GRIK3: variants seen among roughly 807,000 people sequenced by gnomAD.
The protein encoded by GRIK3 is glutamate receptor ionotropic, kainate 3.
Under a neutral mutation model 102.5 loss-of-function variants are expected in GRIK3, and 29 were observed. That is an observed-to-expected ratio of 0.28 (90% confidence interval 0.21 to 0.39). GRIK3 has a LOEUF of 0.39. Ranked by LOEUF, GRIK3 falls within the 10% of genes least tolerant of loss-of-function variation. The pLI, the probability that GRIK3 is intolerant of heterozygous loss-of-function variation, is 1.00. For missense variants in GRIK3, 908 were observed against 1,252.4 expected (o/e 0.73, Z 4.15); for synonymous variants, 511 against 504.9 (o/e 1.01, Z -0.16).
chr1:36,967,841 T>C (rs1642096336), intron 1 of GRIK3, among the ~76,000 whole-genome samples: 1 of 152,244 alleles, frequency 6.6e-6, no homozygotes, highest in Admixed American at 6.5e-5. Flanking sequence ...CCTGTTATGA[T>C]AATTGAGATA....
chr1:37,029,038 C>T (rs929487956), intron 1 of GRIK3, among the ~76,000 whole-genome samples: 2 of 151,868 alleles, frequency 1.3e-5, no homozygotes, highest in East Asian at 1.9e-4. Flanking sequence ...GATTTTGCTC[C>T]AGACCCAGGT....
intron 10 of GRIK3, among the ~76,000 whole-genome samples, chr1:36,835,547 C>T (rs1264665427): frequency 1.3e-5 from 2 of 152,214 alleles, no homozygotes; most frequent in Non-Finnish European, 2.9e-5. Context: ...ATCCCTTGCC[C>T]TTGGCACTCA....
chr1:36,975,294 T>G (rs1439189285), intron 1 of GRIK3, among the ~76,000 whole-genome samples: 1 of 145,556 alleles, frequency 6.9e-6, no homozygotes, highest in African/African-American at 2.6e-5. Context: ...GTTGGTTTTT[T>G]TTTTTTTTTT....
chr1:36,982,814 T>TGGG (rs1642263685), intron 1 of GRIK3, among the ~76,000 whole-genome samples: 1 of 11,266 alleles, frequency 8.9e-5, no homozygotes, highest in Non-Finnish European at 1.7e-4. Flanking sequence ...GAGCAGGAAG[T>TGGG]GGGGGTGGTG....
At position 36,955,635 on chromosome 1, in the gene GRIK3, C is replaced by T. The variant is rs375399472; in HGVS notation, c.116-64539G>A. ...ACAAGCATATCTGGACAGCTGCAGC[C>T]AAGCATACTGAACAGGCTACCTCAA... On this transcript the variant is annotated intron_variant, in intron 1 of 15. Transcript: ENST00000373091. Among the ~76,000 whole-genome samples the T allele has an allele frequency of 1.1e-3, 169 of 152,334 alleles. 2 individuals carry two copies. In the South Asian group the frequency reaches 0.034, roughly 30 times the overall value.
Position 37,034,086 on chromosome 1 carries a change from A to G in GRIK3, c.23T>C (p.Leu8Pro). 1 of 1,587,420 alleles carries G rather than the reference A, an allele frequency of 6.3e-7. No individual in the cohort carries two copies. The highest frequency in any genetic ancestry group is 8.6e-7 in the Non-Finnish European group (1 of 1,167,984). Residue 8 changes from leucine to proline, a missense_variant, in exon 1 of 16, where the codon CTC (leucine) becomes CCC (proline). Physicochemically the swap from Leu to Pro is moderately conservative, Grantham distance 98. This residue lies in a region of GRIK3 where 585 missense variants were observed against 824.9 expected (regional missense o/e 0.71). Coordinates refer to ENST00000373091, the MANE Select transcript of GRIK3 (RefSeq NM_000831.4). ...CCAGTATTCCCAAACCAGACTCCGG[A>G]GGCGCCGCCAGGGAGCGGTCATCGT... MTAPWRR[L>P]RSLVWEYWAG...
rs34670494 is a variant in GRIK3 at position 36,828,073 on chromosome 1, GAA to G, written c.1531-2249_1531-2248del. ...TTCAGGGTATATACAAAAGAAAGCA[GAA>G]AAAAAAAAAAAAACTCTCAGGGAGG... On this transcript the variant is annotated intron_variant, in intron 10 of 15. Transcript: ENST00000373091. Among the ~76,000 whole-genome samples, 50 of 125,794 alleles carry G rather than the reference GAA, an allele frequency of 4.0e-4. No individual in the cohort carries two copies. In the Middle Eastern group the frequency reaches 0.014, roughly 34 times the overall value. 82.5% of individuals were successfully genotyped at this position (125,794 alleles called of 152,430 possible). A position where few individuals can be genotyped will look rare whatever the true frequency, so the allele number is the denominator to read the frequency against.
chr1:36,886,693 C>A (rs984604653), intron 2 of GRIK3, among the ~76,000 whole-genome samples: 3 of 152,190 alleles, frequency 2.0e-5, no homozygotes, highest in African/African-American at 7.2e-5. Context: ...TAATGTTAAG[C>A]ACATGACTGT....
chr1:36,887,818 A>C (rs1472209284), intron 2 of GRIK3, among the ~76,000 whole-genome samples: 1 of 150,276 alleles, frequency 6.7e-6, no homozygotes, highest in Non-Finnish European at 1.5e-5. Flanking sequence ...TGAGAGAGAG[A>C]GAGAGACAGA....
At chr1:36,856,112 T>C (rs773947127) in intron 7 of GRIK3, among the ~76,000 whole-genome samples, 15 of 152,352 alleles carry the variant, frequency 9.8e-5, no homozygotes, top group Middle Eastern at 3.4e-3. Context: ...TAAAAGCCAC[T>C]GTTTATGACT....
chr1:36,964,864 G>A (rs1642063169), intron 1 of GRIK3, among the ~76,000 whole-genome samples: 1 of 152,202 alleles, frequency 6.6e-6, no homozygotes, highest in African/African-American at 2.4e-5. Context: ...AGAGCACATA[G>A]GAAGACCCCC....
At chr1:36,976,016 A>C (rs1239626922) in intron 1 of GRIK3, among the ~76,000 whole-genome samples, 1 of 152,238 alleles carries the variant, frequency 6.6e-6, no homozygotes, top group South Asian at 2.1e-4. Flanking sequence ...ACAGCAAAGA[A>C]GCAAAAGAAG....
chr1:36,927,642 A>G (rs1641542286), intron 1 of GRIK3, among the ~76,000 whole-genome samples: 1 of 152,190 alleles, frequency 6.6e-6, no homozygotes, highest in Non-Finnish European at 1.5e-5. Flanking sequence ...GAGGGAAAAA[A>G]GAGGGAAAAG....
intron 1 of GRIK3, among the ~76,000 whole-genome samples, chr1:37,011,867 G>A (rs865905136): frequency 1.3e-5 from 2 of 152,318 alleles, no homozygotes; most frequent in South Asian, 4.1e-4. Context: ...GCACAAGGAG[G>A]ATGCCAAGCA....
intron 1 of GRIK3, among the ~76,000 whole-genome samples, chr1:36,963,904 G>A (rs899772229): frequency 5.9e-5 from 9 of 152,208 alleles, no homozygotes; most frequent in African/African-American, 2.2e-4. Flanking sequence ...GCCTCAGATT[G>A]TTTCCATTTG....
chr1:36,882,118 C>A (rs1437056315), intron 2 of GRIK3, among the ~76,000 whole-genome samples: 2 of 152,116 alleles, frequency 1.3e-5, no homozygotes, highest in African/African-American at 4.8e-5. Flanking sequence ...ATTAAATGAT[C>A]ACTGGAAGTC....
chr1:36,852,709 C>A (rs1640599178), intron 8 of GRIK3, among the ~76,000 whole-genome samples: 1 of 152,204 alleles, frequency 6.6e-6, no homozygotes, highest in Non-Finnish European at 1.5e-5. Flanking sequence ...GCCCCAGAGG[C>A]ATCCGAAGTG....
In GRIK3 at chr1:36,859,892, C is replaced by G; in HGVS notation, c.912G>C (p.Leu304=). Residue 304 remains leucine (L), a synonymous_variant, in exon 6 of 16, where the codon CTG becomes CTC. Coordinates refer to ENST00000373091, the MANE Select transcript of GRIK3 (RefSeq NM_000831.4). ...CAGACTCGGACCGGGGAGCTGCCTG[C>G]AGCCGCTCCATGGACCACTTCTCCA... The part of the protein sequence containing the change: ...AIVEKWSMER[L]QAAPRSESGL... The G allele has an allele frequency of 6.2e-7, 1 of 1,613,846 alleles. No homozygotes were observed. Among genetic ancestry groups the G allele is most frequent in the Non-Finnish European group, 8.5e-7 (1 of 1,179,724 alleles).
chr1:36,957,775 T>C (rs1434164703), intron 1 of GRIK3, among the ~76,000 whole-genome samples: 1 of 139,422 alleles, frequency 7.2e-6, no homozygotes, highest in Non-Finnish European at 1.5e-5. Context: ...GTGTGTCCCA[T>C]GAGTCTGTGC....
Sources: allele counts gnomAD v4.1 joint callset (sites outside exome capture counted in the v4.1 genomes callset), GRCh38; gene constraint gnomAD v4.1.1; regional missense constraint gnomAD v4.1.1; transcripts MANE v1.5; gene names NCBI Gene and HGNC (gene_info 2026-07-23, HGNC 2026-07-21).